Variants in MRTFA observed in about 807,000 individuals in gnomAD.
The protein encoded by MRTFA is myocardin-related transcription factor A.
In MRTFA, 20 loss-of-function variants were observed where a neutral mutation model predicts 83.5. The observed-to-expected ratio is 0.24, with a 90% CI of 0.17 to 0.35. The LOEUF is 0.35. Ranked by LOEUF, MRTFA falls within the 10% of genes least tolerant of loss-of-function variation. The probability of loss-of-function intolerance (pLI) is 1.00; values close to 1 mark genes in which losing one functional copy is unlikely to be tolerated. For missense variants in MRTFA, 1,200 were observed against 1,224.7 expected (o/e 0.98, Z 0.30); for synonymous variants, 659 against 541.2 (o/e 1.22, Z -3.02).
chr22:40,546,013 C>T (rs1037000320), intron 3 of MRTFA, among the ~76,000 whole-genome samples: 2 of 152,282 alleles, frequency 1.3e-5, no homozygotes, highest in African/African-American at 2.4e-5. Flanking sequence ...AGGCGTGAGC[C>T]GCCGTACCCG....
At chr22:40,433,875 T>C (rs939469836) in intron 5 of MRTFA, among the ~76,000 whole-genome samples, 2 of 152,222 alleles carry the variant, frequency 1.3e-5, no homozygotes, top group African/African-American at 2.4e-5. Context: ...CATTTGTGAA[T>C]AGATGTGCAT....
Position 40,423,399 on chromosome 22 carries a change from C to G in MRTFA, c.927+137G>C, listed in dbSNP as rs904423592. 11 of 775,678 alleles carry G rather than the reference C, an allele frequency of 1.4e-5. No homozygotes were observed. In the African/African-American group the frequency reaches 2.0e-4, roughly 14 times the overall value. The allele number at this position is 775,678 out of a possible 1,614,324, so 48.0% of individuals were successfully genotyped here. A position where few individuals can be genotyped will look rare whatever the true frequency, so the allele number is the denominator to read the frequency against. ...GTGTCATGATGGACAGCAGACAGAA[C>G]GGGAAGAAACTCCCAGACCAATGGG... On this transcript the variant is annotated intron_variant, in intron 9 of 14. Transcript: ENST00000355630.
At chr22:40,616,516 G>A (rs1372538827) in intron 1 of MRTFA, among the ~76,000 whole-genome samples, 1 of 152,150 alleles carries the variant, frequency 6.6e-6, no homozygotes, top group East Asian at 1.9e-4. Flanking sequence ...AGTAGTTTTA[G>A]TGGCAGAGAT....
chr22:40,622,641 C>T (rs1224049451), intron 1 of MRTFA, among the ~76,000 whole-genome samples: 1 of 152,094 alleles, frequency 6.6e-6, no homozygotes, highest in African/African-American at 2.4e-5. Flanking sequence ...CTGCCACAAG[C>T]CAAGGAAAGC....
At chr22:40,590,717 C>T (rs956008268) in intron 2 of MRTFA, among the ~76,000 whole-genome samples, 2 of 149,332 alleles carry the variant, frequency 1.3e-5, no homozygotes, top group Non-Finnish European at 3.0e-5. Context: ...AAGTGTATGA[C>T]AATATTCACA....
At chr22:40,630,907 A>C (rs553769628) in intron 1 of MRTFA, among the ~76,000 whole-genome samples, 32 of 152,268 alleles carry the variant, frequency 2.1e-4, no homozygotes, top group Middle Eastern at 3.4e-3. Context: ...CTTGTCCCTC[A>C]AACTCAGCCA....
In MRTFA at chr22:40,552,242, G is replaced by T. The variant is rs2055453503; in HGVS notation, c.105C>A (p.Ser35=). The change falls in exon 3 of 15, where the codon TCC becomes TCA. Residue 35 remains serine (S), a synonymous_variant. Transcript: ENST00000355630. ...TCTGGGGACTGGGTGCCGCAGATAA[G>T]GACACGAGCACTGGTTCATCATCAT... is the stretch of plus-strand genomic sequence containing the variant. 5.0e-6 allele frequency: 2 copies of T among 398,934 alleles called. No individual in the cohort carries two copies. The highest frequency in any genetic ancestry group is 8.8e-6 in the Non-Finnish European group (2 of 226,128). The allele number at this position is 398,934 out of a possible 1,614,324, so 24.7% of individuals were successfully genotyped here. A position where few individuals can be genotyped will look rare whatever the true frequency, so the allele number is the denominator to read the frequency against.
intron 14 of MRTFA, among the ~76,000 whole-genome samples, chr22:40,413,734 C>T (rs539680172): frequency 5.3e-4 from 80 of 152,320 alleles, no homozygotes; most frequent in Non-Finnish European, 9.7e-4. Flanking sequence ...TGAGCTACCA[C>T]GCCCAGCCGA....
intron 3 of MRTFA, among the ~76,000 whole-genome samples, chr22:40,535,379 G>C (rs1233824267): frequency 9.4e-6 from 1 of 106,274 alleles, no homozygotes; most frequent in African/African-American, 3.8e-5. Context: ...TTTGAGACTA[G>C]GTCTCACTCT....
intron 4 of MRTFA, among the ~76,000 whole-genome samples, chr22:40,450,896 A>C (rs2147128115): frequency 6.6e-6 from 1 of 152,244 alleles, no homozygotes; most frequent in African/African-American, 2.4e-5. Context: ...TAGCCAGAAA[A>C]CCCGGATTGG....
chr22:40,558,880 G>A (rs2055572336), intron 2 of MRTFA, among the ~76,000 whole-genome samples: 1 of 151,300 alleles, frequency 6.6e-6, no homozygotes, highest in Non-Finnish European at 1.5e-5. Flanking sequence ...CTGCCTCCTA[G>A]GTTCAAGTGA....
intron 1 of MRTFA, among the ~76,000 whole-genome samples, chr22:40,631,221 G>A (rs1309375222): frequency 6.6e-6 from 1 of 152,104 alleles, no homozygotes; most frequent in Non-Finnish European, 1.5e-5. Context: ...ACATTTAAAT[G>A]CCTCCTTCTG....
intron 3 of MRTFA, among the ~76,000 whole-genome samples, chr22:40,545,647 G>A (rs566442969): frequency 6.6e-6 from 1 of 151,740 alleles, no homozygotes; most frequent in East Asian, 1.9e-4. Context: ...TGGCCAGGCT[G>A]GTCTCAAACT....
intron 3 of MRTFA, among the ~76,000 whole-genome samples, chr22:40,531,510 T>C (rs1479943788): frequency 6.6e-6 from 1 of 152,150 alleles, no homozygotes. Flanking sequence ...ATATTCAATA[T>C]CCTGAAGTTT....
chr22:40,557,831 T>C (rs1305974972), intron 2 of MRTFA, among the ~76,000 whole-genome samples: 1 of 152,102 alleles, frequency 6.6e-6, no homozygotes, highest in Non-Finnish European at 1.5e-5. Context: ...TGGAGTGCAG[T>C]GGCAAGTTCT....
chr22:40,605,858 C>G (rs1387419382), intron 1 of MRTFA, among the ~76,000 whole-genome samples: 1 of 152,194 alleles, frequency 6.6e-6, no homozygotes, highest in Non-Finnish European at 1.5e-5. Flanking sequence ...GAAGCTAAAA[C>G]AGGCCCACAT....
rs183672521 is a variant in MRTFA, at chr22:40,549,080, T to C, written c.241+3026A>G. 7.9e-5 allele frequency among the ~76,000 whole-genome samples: 12 copies of C among 152,252 alleles called. No homozygotes were observed. In the East Asian group the frequency reaches 2.3e-3, roughly 29 times the overall value. ...ACCCACTGTTTCTGTTTGTTTTTTT[T>C]AAGAGACAGGGTCTCGCTATGTCTC... On this transcript the variant is annotated intron_variant, in intron 3 of 14. Coordinates refer to ENST00000355630, the MANE Select transcript of MRTFA (RefSeq NM_020831.6).
chr22:40,589,767 A>G (rs575583491), intron 2 of MRTFA, among the ~76,000 whole-genome samples: 123 of 152,238 alleles, frequency 8.1e-4, no homozygotes, highest in Non-Finnish European at 1.3e-3. Context: ...GGTGGCTCAC[A>G]CCTTTAATCC....
At chr22:40,439,878 G>A (rs959808573) in intron 4 of MRTFA, 5 of 152,898 alleles carry the variant, frequency 3.3e-5, no homozygotes, top group African/African-American at 1.2e-4. Flanking sequence ...AGGGCCAGGT[G>A]CAGTGGATCA....
Sources: gnomAD v4.1 joint callset for allele counts (sites outside exome capture counted in the v4.1 genomes callset) on GRCh38, gnomAD v4.1.1 for gene constraint, MANE v1.5 for transcripts, NCBI Gene and HGNC (gene_info 2026-07-23, HGNC 2026-07-21) for gene names.